The following GREB1L variants were observed in gnomAD, a reference collection of about 807,000 sequenced individuals.
GREB1L encodes the protein GREB1 like retinoic acid receptor coactivator, also known as GREB1-like protein.
A neutral mutation model predicts 200.8 loss-of-function variants in GREB1L; 17 were observed. That is an observed-to-expected ratio of 0.08 (90% CI 0.06 to 0.13). The LOEUF is 0.13. Ranked by LOEUF, GREB1L falls within the 10% of genes least tolerant of loss-of-function variation. The probability of loss-of-function intolerance (pLI) is 1.00; values close to 1 mark genes in which losing one functional copy is unlikely to be tolerated. For missense variants in GREB1L, 1,657 were observed against 2,367.7 expected (o/e 0.70, Z 6.23); for synonymous variants, 789 against 893.0 (o/e 0.88, Z 2.08).
intron 1 of GREB1L, among the ~76,000 whole-genome samples, chr18:21,306,682 T>C (rs2038706905): frequency 6.6e-6 from 1 of 152,226 alleles, no homozygotes; most frequent in Non-Finnish European, 1.5e-5. Context: ...AAACAGCAGT[T>C]CATTTAACTG....
intron 7 of GREB1L, among the ~76,000 whole-genome samples, chr18:21,419,624 A>G (rs1252775975): frequency 6.6e-6 from 1 of 152,116 alleles, no homozygotes; most frequent in African/African-American, 2.4e-5. Context: ...TAATTTTTGT[A>G]TTTTTTGTAG....
At chr18:21,471,074 T>C (rs560860154) in intron 15 of GREB1L, among the ~76,000 whole-genome samples, 1 of 152,350 alleles carries the variant, frequency 6.6e-6, no homozygotes, top group East Asian at 1.9e-4. Context: ...ACCTCTTAGA[T>C]TTCTGGAACT....
intron 1 of GREB1L, among the ~76,000 whole-genome samples, chr18:21,345,717 C>G (rs946195607): frequency 6.6e-6 from 1 of 151,730 alleles, no homozygotes; most frequent in African/African-American, 2.4e-5. Context: ...ACTAAAAATA[C>G]GAAAATGAGC....
chr18:21,409,623 A>G (rs2030716403), intron 7 of GREB1L, among the ~76,000 whole-genome samples: 1 of 152,224 alleles, frequency 6.6e-6, no homozygotes, highest in South Asian at 2.1e-4. Flanking sequence ...TCAGTTTAAT[A>G]CAATCTAATT....
chr18:21,352,680 C>T (rs1481534578), intron 1 of GREB1L, among the ~76,000 whole-genome samples: 2 of 151,516 alleles, frequency 1.3e-5, no homozygotes, highest in East Asian at 2.0e-4. Context: ...ACAATCCACC[C>T]GCCTCAGCCT....
At chr18:21,378,826 T>C (rs2040183566) in intron 2 of GREB1L, among the ~76,000 whole-genome samples, 1 of 152,188 alleles carries the variant, frequency 6.6e-6, no homozygotes, top group Admixed American at 6.5e-5. Context: ...CTGTATGTCT[T>C]CTGTAATGGT....
intron 20 of GREB1L, among the ~76,000 whole-genome samples, chr18:21,496,248 CTT>C (rs751759539): frequency 1.7e-4 from 26 of 152,296 alleles, no homozygotes; most frequent in African/African-American, 4.6e-4. Context: ...ACTATCCACT[CTT>C]TTTATATTCG....
chr18:21,324,339 G>A (rs144363394), intron 1 of GREB1L, among the ~76,000 whole-genome samples: 46 of 152,294 alleles, frequency 3.0e-4, no homozygotes, highest in African/African-American at 1.1e-3. Context: ...TTTGGGTGCA[G>A]ATGTACTCCC....
At chr18:21,317,490 C>G (rs1162615475) in intron 1 of GREB1L, 1 of 152,044 alleles carries the variant, frequency 6.6e-6, no homozygotes, top group Non-Finnish European at 1.5e-5. Flanking sequence ...GTAGTCCCAG[C>G]TACTCAGGAG....
At chr18:21,328,073 G>C (rs2039050930) in intron 1 of GREB1L, among the ~76,000 whole-genome samples, 1 of 152,068 alleles carries the variant, frequency 6.6e-6, no homozygotes, top group Admixed American at 6.5e-5. Context: ...CCCACATAAA[G>C]CTACACCTAC....
In GREB1L at chr18:21,520,691, G is replaced by A. The variant is rs2037576648; in HGVS notation, c.5476G>A (p.Ala1826Thr). 1.9e-6 allele frequency: 3 copies of A among 1,551,516 alleles called. No individual in the cohort carries two copies. Among genetic ancestry groups the A allele is most frequent in the Non-Finnish European group, 1.7e-6 (2 of 1,146,918 alleles). The stretch of plus-strand genomic sequence containing the variant: ...TATTTTTGCTTGATGATTTCAGGTG[G>A]CCATATGCTATATCAGCTCCAGACC... ...DCYLNIGPEVAICYISSRPHS... is the reference protein window; with the variant it reads ...DCYLNIGPEVTICYISSRPHS... Residue 1826 changes from alanine (A) to threonine (T), a missense_variant, in exon 32 of 33, where the codon GCC (alanine) becomes ACC (threonine). Coordinates refer to ENST00000424526, the MANE Select transcript of GREB1L (RefSeq NM_001142966.3).
At chr18:21,257,784 T>G (rs2037824261) in intron 1 of GREB1L, among the ~76,000 whole-genome samples, 1 of 152,242 alleles carries the variant, frequency 6.6e-6, no homozygotes, top group South Asian at 2.1e-4. Flanking sequence ...CTGCTGTTTA[T>G]TGATTTAATT....
intron 7 of GREB1L, among the ~76,000 whole-genome samples, chr18:21,408,780 G>A (rs1217670852): frequency 3.2e-5 from 4 of 123,176 alleles, no homozygotes; most frequent in Non-Finnish European, 6.8e-5. Flanking sequence ...AGCAAAAAGA[G>A]AGAAATTCCA....
chr18:21,407,102 C>T (rs774543155), intron 7 of GREB1L, among the ~76,000 whole-genome samples: 6 of 151,936 alleles, frequency 3.9e-5, no homozygotes, highest in Non-Finnish European at 8.8e-5. Context: ...CTTGAACTCC[C>T]GACCTCAGGT....
chr18:21,438,209 A>T (rs1382020017), intron 7 of GREB1L, among the ~76,000 whole-genome samples: 1 of 152,146 alleles, frequency 6.6e-6, no homozygotes, highest in Admixed American at 6.5e-5. Context: ...AGAAGTCAAG[A>T]CTGCAGCGAG....
chr18:21,521,430 A>G (rs2037595713), intron 32 of GREB1L, among the ~76,000 whole-genome samples: 1 of 152,108 alleles, frequency 6.6e-6, no homozygotes, highest in South Asian at 2.1e-4. Context: ...ATCACAGATA[A>G]TCCTTATAAA....
chr18:21,347,924 A>ATG (rs1257951331), intron 1 of GREB1L, among the ~76,000 whole-genome samples: 96 of 98,684 alleles, frequency 9.7e-4, no homozygotes, highest in South Asian at 2.4e-3. Flanking sequence ...GTGCCACCAC[A>ATG]CTCGGCTAAT....
intron 5 of GREB1L, 68 bp from the exon 6 acceptor site, chr18:21,401,082 T>C (rs919247189): frequency 7.9e-7 from 1 of 1,271,240 alleles, no homozygotes; most frequent in Non-Finnish European, 1.1e-6. Context: ...GTTTCTATGC[T>C]GTTTAATACG....
intron 1 of GREB1L, among the ~76,000 whole-genome samples, chr18:21,353,807 G>A (rs1271200967): frequency 1.3e-5 from 2 of 151,388 alleles, no homozygotes; most frequent in Non-Finnish European, 2.9e-5. Flanking sequence ...TCTTTTTGAG[G>A]CAGAGTCTCT....
Sources: gnomAD v4.1 joint callset for allele counts (sites outside exome capture counted in the v4.1 genomes callset) on GRCh38, gnomAD v4.1.1 for gene constraint, MANE v1.5 for transcripts, NCBI Gene and HGNC (gene_info 2026-07-23, HGNC 2026-07-21) for gene names.